The following NCKAP5 variants were observed in gnomAD, a reference collection of about 807,000 sequenced individuals.
The protein encoded by NCKAP5 is NCK associated protein 5.
NCKAP5 carries 92 observed loss-of-function variants against 167.0 expected under a neutral mutation model. That is an observed-to-expected ratio of 0.55 (90% CI 0.47 to 0.66). NCKAP5 has a LOEUF of 0.66. Ranked by LOEUF, NCKAP5 falls within the 30% of genes least tolerant of loss-of-function variation. The pLI, the probability that NCKAP5 is intolerant of heterozygous loss-of-function variation, is 0.00. For missense variants in NCKAP5, 2,378 were observed against 2,315.0 expected (o/e 1.03, Z -0.56); for synonymous variants, 891 against 877.4 (o/e 1.02, Z -0.27).
chr2:132,800,179 T>G (rs1028788637), intron 11 of NCKAP5, among the ~76,000 whole-genome samples: 2 of 152,166 alleles, frequency 1.3e-5, no homozygotes, highest in African/African-American at 4.8e-5. Context: ...AGAGCATAAC[T>G]GACTTAAGAA....
In NCKAP5 at chr2:132,727,269, A is replaced by G. The variant is rs374646049; in HGVS notation, c.5581-1510T>C. On this transcript the variant is annotated intron_variant, in intron 18 of 19. Coordinates refer to ENST00000409261, the MANE Select transcript of NCKAP5 (RefSeq NM_207363.3). ...TTATTCAAACTCCTTTGCCATCAAC[A>G]CCAACTGTTGTTCCTGAACTGGTTT... Among the ~76,000 whole-genome samples the G allele has an allele frequency of 3.3e-5, 5 of 152,118 alleles. No homozygotes were observed. In the South Asian group the frequency reaches 6.2e-4, roughly 19 times the overall value.
chr2:132,847,609 C>T (rs1173616778), intron 11 of NCKAP5, among the ~76,000 whole-genome samples: 1 of 152,128 alleles, frequency 6.6e-6, no homozygotes, highest in East Asian at 1.9e-4. Flanking sequence ...TTAACTGAGC[C>T]ACAAATGAAT....
chr2:133,072,328 T>C (rs2080442145), intron 6 of NCKAP5, among the ~76,000 whole-genome samples: 1 of 152,054 alleles, frequency 6.6e-6, no homozygotes, highest in Non-Finnish European at 1.5e-5. Flanking sequence ...CTTCTAACTC[T>C]CCTGATCCTT....
intron 6 of NCKAP5, among the ~76,000 whole-genome samples, chr2:133,050,519 GA>G (rs1559088100): frequency 6.6e-6 from 1 of 152,126 alleles, no homozygotes; most frequent in African/African-American, 2.4e-5. Flanking sequence ...TGAAAACCAT[GA>G]AAAGATGATA....
At chr2:132,768,522 G>T (rs372752523) in intron 16 of NCKAP5, among the ~76,000 whole-genome samples, 1 of 151,924 alleles carries the variant, frequency 6.6e-6, no homozygotes, top group Admixed American at 6.6e-5. Context: ...CTAGCCATTT[G>T]CTTTGTTTAG....
intron 3 of NCKAP5, among the ~76,000 whole-genome samples, chr2:133,444,403 GATAGATAT>G (rs1375547947): frequency 1.6e-4 from 17 of 105,276 alleles, no homozygotes; most frequent in South Asian, 8.8e-4. Context: ...TAGATAGATA[GATAGATAT>G]AGATATAGAT....
intron 3 of NCKAP5, among the ~76,000 whole-genome samples, chr2:133,364,064 TCATC>T (rs1685294968): frequency 6.6e-6 from 1 of 152,146 alleles, no homozygotes; most frequent in Non-Finnish European, 1.5e-5. Flanking sequence ...GTTGGTATCA[TCATC>T]ATCATCATCA....
At chr2:133,467,257 A>G in intron 3 of NCKAP5, among the ~76,000 whole-genome samples, 1 of 150,384 alleles carries the variant, frequency 6.6e-6, no homozygotes, top group Non-Finnish European at 1.5e-5. Context: ...TTCTGCATCT[A>G]TTGAGATAAT....
At chr2:132,808,241 T>C (rs1007943205) in intron 11 of NCKAP5, among the ~76,000 whole-genome samples, 1 of 152,108 alleles carries the variant, frequency 6.6e-6, no homozygotes, top group African/African-American at 2.4e-5. Context: ...TATCCTTTCC[T>C]GGTTTTGGTA....
intron 7 of NCKAP5, among the ~76,000 whole-genome samples, chr2:132,966,435 T>C (rs1558999201): frequency 1.3e-5 from 2 of 152,188 alleles, no homozygotes; most frequent in Non-Finnish European, 2.9e-5. Flanking sequence ...AGTCTTGATG[T>C]CTTTGTCTCC....
At chr2:133,451,815 T>C (rs939583593) in intron 3 of NCKAP5, among the ~76,000 whole-genome samples, 5 of 152,196 alleles carry the variant, frequency 3.3e-5, no homozygotes, top group African/African-American at 1.2e-4. Flanking sequence ...TGCAAATGTA[T>C]ACTTGATGAA....
intron 12 of NCKAP5, among the ~76,000 whole-genome samples, chr2:132,794,339 G>A (rs1489148707): frequency 1.4e-5 from 2 of 145,500 alleles, no homozygotes; most frequent in Non-Finnish European, 3.0e-5. Context: ...AAGAGAGAGA[G>A]ACAGAGACAG....
intron 8 of NCKAP5, among the ~76,000 whole-genome samples, chr2:132,953,540 C>T (rs182821881): frequency 8.0e-4 from 122 of 151,792 alleles, no homozygotes; most frequent in African/African-American, 2.9e-3. Flanking sequence ...ATCTCAAGGG[C>T]AGAAAAGATG....
intron 5 of NCKAP5, among the ~76,000 whole-genome samples, chr2:133,150,599 TA>T (rs1449150214): frequency 6.6e-6 from 1 of 152,120 alleles, no homozygotes; most frequent in African/African-American, 2.4e-5. Flanking sequence ...CATCATTATT[TA>T]GGGGGAAAAG....
At chr2:133,208,109 C>G (rs1391727025) in intron 5 of NCKAP5, among the ~76,000 whole-genome samples, 1 of 152,140 alleles carries the variant, frequency 6.6e-6, no homozygotes. Context: ...GAGGCCAAGG[C>G]AGGCAGATCA....
chr2:133,101,208 G>C (rs1419269841), intron 6 of NCKAP5, among the ~76,000 whole-genome samples: 2 of 144,506 alleles, frequency 1.4e-5, no homozygotes, highest in East Asian at 4.0e-4. Context: ...AGATCAGATA[G>C]TTGTAGATAT....
chr2:132,955,621 T>C (rs978418174), intron 8 of NCKAP5, among the ~76,000 whole-genome samples: 1 of 152,182 alleles, frequency 6.6e-6, no homozygotes, highest in Admixed American at 6.5e-5. Context: ...TAAACATACA[T>C]GTGCATGTGT....
At chr2:132,945,973 A>G (rs1031772089) in intron 8 of NCKAP5, among the ~76,000 whole-genome samples, 8 of 152,210 alleles carry the variant, frequency 5.3e-5, no homozygotes, top group Non-Finnish European at 1.5e-5. Context: ...TTCTGGCTAT[A>G]ATTGGTAAAG....
At chr2:133,601,517 G>T in the NCKAP5 span, among the ~76,000 whole-genome samples, 5 of 152,156 alleles carry the variant, frequency 3.3e-5, no homozygotes, top group African/African-American at 4.8e-5. Flanking sequence ...ATCACCTGAG[G>T]TCAGGAGTTT....
Sources: gnomAD v4.1 joint callset for allele counts (sites outside exome capture counted in the v4.1 genomes callset) on GRCh38, gnomAD v4.1.1 for gene constraint, MANE v1.5 for transcripts, NCBI Gene and HGNC (gene_info 2026-07-23, HGNC 2026-07-21) for gene names.